KIF1B: variants seen among roughly 807,000 people sequenced by gnomAD.
The protein encoded by KIF1B is kinesin family member 1B.
Under a neutral mutation model 241.9 loss-of-function variants are expected in KIF1B, and 76 were observed. The observed-to-expected ratio is 0.31, with a 90% confidence interval of 0.26 to 0.38. The LOEUF is 0.38. Among genes scored for constraint, KIF1B ranks in the 10% least tolerant of loss-of-function variants. The probability of loss-of-function intolerance (pLI) is 1.00; values close to 1 mark genes in which losing one functional copy is unlikely to be tolerated. For synonymous variants in KIF1B, 750 were observed against 796.7 expected, an observed-to-expected ratio of 0.94 and a Z score of 0.99; for missense variants, 1,622 against 2,271.4, an observed-to-expected ratio of 0.71 and a Z score of 5.81.
intron 1 of KIF1B, among the ~76,000 whole-genome samples, chr1:10,214,111 C>A (rs1646730691): frequency 6.6e-6 from 1 of 152,088 alleles, no homozygotes; most frequent in Non-Finnish European, 1.5e-5. Flanking sequence ...TGGGCTCAGA[C>A]TTTGCCTGCT....
intron 22 of KIF1B, among the ~76,000 whole-genome samples, chr1:10,312,535 T>A (rs533448641): frequency 2.4e-4 from 36 of 151,564 alleles, no homozygotes; most frequent in Non-Finnish European, 5.0e-4. Flanking sequence ...CTGTACTCCA[T>A]TTGCTACCTG....
chr1:10,358,511 C>A (rs1359322878), intron 38 of KIF1B, among the ~76,000 whole-genome samples: 1 of 151,986 alleles, frequency 6.6e-6, no homozygotes, highest in Admixed American at 6.6e-5. Context: ...TGAAATGGGA[C>A]AAATAAGCCC....
At chr1:10,269,315 C>G (rs932443258) in intron 7 of KIF1B, among the ~76,000 whole-genome samples, 11 of 151,350 alleles carry the variant, frequency 7.3e-5, no homozygotes, top group African/African-American at 2.7e-4. Flanking sequence ...GAGTTTGGGA[C>G]CAGCCTGGCC....
At chr1:10,232,579 C>G (rs1055174255) in intron 2 of KIF1B, 145 bp downstream of exon 2, 2 of 682,686 alleles carry the variant, frequency 2.9e-6, no homozygotes, top group Non-Finnish European at 5.3e-6. Flanking sequence ...AATGTATTCC[C>G]CTCTGTGGTA....
intron 2 of KIF1B, among the ~76,000 whole-genome samples, chr1:10,233,889 G>T (rs566897206): frequency 6.6e-5 from 10 of 151,812 alleles, no homozygotes; most frequent in Non-Finnish European, 1.5e-4. Context: ...TGATCCACCC[G>T]CCTCGGCCTC....
chr1:10,374,252 A>G lies in KIF1B; in HGVS notation c.4947-64A>G, dbSNP rs1338607070. On this transcript the variant is annotated intron_variant, in intron 45 of 48. Coordinates refer to ENST00000676179, the MANE Select transcript of KIF1B (RefSeq NM_001365951.3). This position sits in a 1 kb window ranked among gnomAD's most constrained non-coding sequence, Gnocchi z 4.3. ...TGTTCCTCCCAGTGAAACAGTACTC[A>G]GTATGCCTTGATTGTAACTGATTCT... 6.5e-7 allele frequency: 1 copy of G among 1,534,004 alleles called. No individual in the cohort carries two copies. The highest frequency in any genetic ancestry group is 9.0e-7 in the Non-Finnish European group (1 of 1,107,516).
intron 22 of KIF1B, chr1:10,304,415 G>A: frequency 6.2e-7 from 1 of 1,614,076 alleles, no homozygotes; most frequent in South Asian, 1.1e-5. Context: ...AACTCCCACA[G>A]TGGTCACCCC....
chr1:10,330,774 C>G (rs1366817361), intron 27 of KIF1B, among the ~76,000 whole-genome samples: 1 of 152,216 alleles, frequency 6.6e-6, no homozygotes, highest in Non-Finnish European at 1.5e-5. Context: ...CAGTGGTGAG[C>G]AAAACCAGAC....
intron 2 of KIF1B, among the ~76,000 whole-genome samples, chr1:10,233,649 C>T (rs1261250103): frequency 6.6e-6 from 1 of 150,914 alleles, no homozygotes; most frequent in Non-Finnish European, 1.5e-5. Flanking sequence ...CAAAAGTCAA[C>T]ATTGAATTGA....
chr1:10,295,706 G>A lies in KIF1B; in HGVS notation c.1717G>A (p.Gly573Arg), dbSNP rs745444863. ...GCGGCGCCAGGACATAGTGCTGAGC[G>A]GGGCTCACATTAAAGAAGAGCATTG... ...AERRQDIVLS[G>R]AHIKEEHCIF... The change falls in exon 19 of 49, where the codon GGG becomes AGG. Residue 573 changes from glycine (G) to arginine (R), a missense_variant. Gly to Arg is a moderately radical substitution (Grantham distance 125). Around this residue, in one of 7 missense-constraint regions of KIF1B, gnomAD observed 57 missense variants for 149.0 expected, o/e 0.38. Transcript: ENST00000676179. The A allele has an allele frequency of 1.2e-6, 2 of 1,613,816 alleles. No homozygotes were observed. The highest frequency in any genetic ancestry group is 1.7e-6 in the Non-Finnish European group (2 of 1,179,946).
At chr1:10,312,989 G>A (rs1004272692) in intron 22 of KIF1B, among the ~76,000 whole-genome samples, 8 of 151,620 alleles carry the variant, frequency 5.3e-5, no homozygotes, top group African/African-American at 7.3e-5. Flanking sequence ...CTCATTTTTA[G>A]CATTTGCTTA....
At chr1:10,353,520 G>A (rs1025222881) in intron 38 of KIF1B, among the ~76,000 whole-genome samples, 1 of 152,142 alleles carries the variant, frequency 6.6e-6, no homozygotes, top group African/African-American at 2.4e-5. Flanking sequence ...AACAGGAGCG[G>A]CTGCCTCTTC....
chr1:10,261,833 T>C lies in KIF1B; in HGVS notation c.364-72T>C, dbSNP rs942287517. ...CAAGAAAGGACGTCTGGCTAATTCA[T>C]TGAGCACGCGTGGATGACTTAGTAC... On this transcript the variant is annotated intron_variant, in intron 4 of 48. Coordinates refer to ENST00000676179, the MANE Select transcript of KIF1B (RefSeq NM_001365951.3). 4.4e-6 allele frequency: 4 copies of C among 913,562 alleles called. No individual in the cohort carries two copies. The Admixed American group carries it at 5.1e-5, about 12-fold the overall frequency. The allele number at this position is 913,562 out of a possible 1,614,324, so 56.6% of individuals were successfully genotyped here.
chr1:10,215,958 A>G (rs1646762568), intron 1 of KIF1B, among the ~76,000 whole-genome samples: 1 of 152,234 alleles, frequency 6.6e-6, no homozygotes, highest in Non-Finnish European at 1.5e-5. Flanking sequence ...AATAACAGAA[A>G]CAACAATAGT....
chr1:10,279,170 A>G (rs1262857473), intron 14 of KIF1B, 32 bp downstream of exon 14: 6 of 1,445,146 alleles, frequency 4.2e-6, no homozygotes, highest in Non-Finnish European at 5.7e-6. Flanking sequence ...TATTTCCAGT[A>G]CTCTGACTTG....
intron 27 of KIF1B, among the ~76,000 whole-genome samples, chr1:10,332,578 C>T (rs1243573134): frequency 1.6e-5 from 2 of 124,326 alleles, no homozygotes; most frequent in Non-Finnish European, 3.1e-5. Flanking sequence ...TGCAGTGGCG[C>T]GATCTCGGCT....
chr1:10,324,164 C>A, intron 25 of KIF1B, 102 bp downstream of exon 25: 2 of 1,137,458 alleles, frequency 1.8e-6, no homozygotes, highest in Non-Finnish European at 2.7e-6. Context: ...GACACTGTTG[C>A]TTACTTCCCT....
intron 4 of KIF1B, among the ~76,000 whole-genome samples, chr1:10,261,271 T>A (rs1648128084): frequency 7.6e-6 from 1 of 131,132 alleles, no homozygotes; most frequent in Admixed American, 7.6e-5. Flanking sequence ...CCTGGCCAAA[T>A]TTTTTTTTTT....
chr1:10,235,147 C>T (rs981612489), intron 2 of KIF1B, among the ~76,000 whole-genome samples: 4 of 152,074 alleles, frequency 2.6e-5, no homozygotes, highest in Admixed American at 6.6e-5. Flanking sequence ...GCCTCAGCCT[C>T]CCAAAGTGCT....
Sources: allele counts gnomAD v4.1 joint callset (sites outside exome capture counted in the v4.1 genomes callset), GRCh38; gene constraint gnomAD v4.1.1; regional missense constraint gnomAD v4.1.1; non-coding constraint Gnocchi (gnomAD v3.1); transcripts MANE v1.5; gene names NCBI Gene and HGNC (gene_info 2026-07-23, HGNC 2026-07-21).